Variants in ZNF827 observed in about 807,000 individuals in gnomAD.
ZNF827 encodes zinc finger protein 827.
A neutral mutation model predicts 102.4 loss-of-function variants in ZNF827; 13 were observed. The ratio of observed to expected loss-of-function variants is 0.13; its 90% CI spans 0.08 to 0.20. The LOEUF is 0.20. ZNF827 is among the 10% of genes least tolerant of loss of function. The pLI is 1.00. For missense variants in ZNF827, 1,103 were observed against 1,344.4 expected, an observed-to-expected ratio of 0.82 and a Z score of 2.81; for synonymous variants, 523 against 536.2, an observed-to-expected ratio of 0.98 and a Z score of 0.34.
chr4:145,931,424 A>G (rs993873091), intron 1 of ZNF827, among the ~76,000 whole-genome samples: 6 of 152,220 alleles, frequency 3.9e-5, no homozygotes, highest in African/African-American at 7.2e-5. Context: ...AAATCTGATG[A>G]AAAAAAGCTC....
intron 5 of ZNF827, among the ~76,000 whole-genome samples, chr4:145,864,051 G>A (rs551169706): frequency 3.4e-4 from 51 of 151,552 alleles, no homozygotes; most frequent in Non-Finnish European, 6.6e-4. Flanking sequence ...AAAATCAGCC[G>A]GGCGCAGTGG....
intron 5 of ZNF827, among the ~76,000 whole-genome samples, chr4:145,869,679 A>T (rs1483306030): frequency 6.6e-6 from 1 of 152,236 alleles, no homozygotes; most frequent in Non-Finnish European, 1.5e-5. Context: ...CGCTGAGATT[A>T]CATTTAGATG....
At chr4:145,782,475 C>T (rs898033160) in intron 8 of ZNF827, among the ~76,000 whole-genome samples, 1 of 152,136 alleles carries the variant, frequency 6.6e-6, no homozygotes, top group Non-Finnish European at 1.5e-5. Flanking sequence ...ATTCCTCCCC[C>T]GACTCTCTTT....
intron 7 of ZNF827, among the ~76,000 whole-genome samples, chr4:145,840,848 G>A (rs1745345590): frequency 6.6e-6 from 1 of 152,198 alleles, no homozygotes; most frequent in Non-Finnish European, 1.5e-5. Context: ...TACATTGGAT[G>A]ATTCCAAGTG....
chr4:145,762,223 A>G lies in ZNF827; in HGVS notation c.*18-625T>C, dbSNP rs1220354913. ...TGTGTACATATCTATGTACTCGTAA[A>G]ACATATCTCCCTACAGGACTAGCTC... On this transcript the variant is annotated intron_variant, in intron 14 of 14. Transcript: ENST00000508784. The surrounding 1 kb of genome is among the most constrained non-coding windows in gnomAD (Gnocchi z 4.9). Among the ~76,000 whole-genome samples, 2 of 152,004 alleles carry G rather than the reference A, an allele frequency of 1.3e-5. No homozygotes were observed. Among genetic ancestry groups the G allele is most frequent in the Admixed American group, 6.6e-5 (1 of 15,260 alleles).
intron 11 of ZNF827, among the ~76,000 whole-genome samples, chr4:145,773,856 T>A (rs1306020571): frequency 6.6e-6 from 1 of 152,068 alleles, no homozygotes; most frequent in Non-Finnish European, 1.5e-5. Context: ...GAACAGAGCC[T>A]ACAGAAGTAG....
At chr4:145,862,515 C>A (rs977173179) in intron 5 of ZNF827, among the ~76,000 whole-genome samples, 1 of 151,974 alleles carries the variant, frequency 6.6e-6, no homozygotes, top group Non-Finnish European at 1.5e-5. Context: ...TGTCCCCCAG[C>A]CATGGGATAT....
intron 1 of ZNF827, among the ~76,000 whole-genome samples, chr4:145,917,062 C>T (rs1752714782): frequency 6.6e-6 from 1 of 152,212 alleles, no homozygotes; most frequent in South Asian, 2.1e-4. Flanking sequence ...ACCACTAGCT[C>T]TCTTCTTCTG....
chr4:145,935,058 C>T (rs1396600853), intron 1 of ZNF827, among the ~76,000 whole-genome samples: 1 of 152,168 alleles, frequency 6.6e-6, no homozygotes, highest in Non-Finnish European at 1.5e-5. Context: ...CAAGATCTCC[C>T]TTCTCCTCCT....
At position 145,830,911 on chromosome 4, in the gene ZNF827, G is replaced by A. The variant is rs185994153; in HGVS notation, c.2280-7386C>T. On this transcript the variant is annotated intron_variant, in intron 7 of 14. Transcript: ENST00000508784. ...TAACTTCCTCATTTTCATTTTGAATGAGCAGTTGTAGAGCTGTTGCTTCTG... is the reference window on the plus strand; with the variant it reads ...TAACTTCCTCATTTTCATTTTGAATAAGCAGTTGTAGAGCTGTTGCTTCTG... The A allele has an allele frequency of 8.5e-5, 13 of 152,346 alleles. No homozygotes were observed. In the East Asian group the frequency reaches 2.5e-3, roughly 29 times the overall value. 9.4% of individuals were successfully genotyped at this position (152,346 alleles called of 1,614,324 possible). A position where few individuals can be genotyped will look rare whatever the true frequency, so the allele number is the denominator to read the frequency against.
chr4:145,799,257 G>A (rs7688506), intron 8 of ZNF827, among the ~76,000 whole-genome samples: 27,239 of 152,098 alleles, frequency 0.18, 3,394 homozygotes, highest in East Asian at 0.67. Context: ...TCAGCTAGTC[G>A]GGCACAGCAA....
intron 9 of ZNF827, among the ~76,000 whole-genome samples, chr4:145,776,712 C>T (rs1737170947): frequency 6.6e-6 from 1 of 152,014 alleles, no homozygotes; most frequent in South Asian, 2.1e-4. Context: ...GTAAAAGAGG[C>T]CTCATCATTT....
intron 1 of ZNF827, among the ~76,000 whole-genome samples, chr4:145,905,213 G>C (rs775006381): frequency 6.6e-6 from 1 of 152,208 alleles, no homozygotes; most frequent in Non-Finnish European, 1.5e-5. Flanking sequence ...AGAGTTCAAT[G>C]TATGTGTAGG....
intron 8 of ZNF827, among the ~76,000 whole-genome samples, chr4:145,818,260 A>T (rs925385178): frequency 2.6e-5 from 4 of 152,240 alleles, no homozygotes; most frequent in African/African-American, 9.6e-5. Context: ...TAGGGCAGAA[A>T]GAGAGAAAAT....
At chr4:145,807,635 C>G (rs757552639) in intron 8 of ZNF827, among the ~76,000 whole-genome samples, 8 of 151,918 alleles carry the variant, frequency 5.3e-5, no homozygotes, top group Non-Finnish European at 1.0e-4. Context: ...CCACGCCCAG[C>G]TAATTTTTGT....
chr4:145,893,405 A>G (rs1361368684), intron 2 of ZNF827, among the ~76,000 whole-genome samples: 5 of 152,248 alleles, frequency 3.3e-5, no homozygotes, highest in African/African-American at 1.2e-4. Flanking sequence ...AACCGGTTAA[A>G]TGACTTAGCA....
intron 11 of ZNF827, among the ~76,000 whole-genome samples, 169 bp downstream of exon 11, chr4:145,774,337 T>G (rs1361361633): frequency 6.6e-6 from 1 of 152,048 alleles, no homozygotes; most frequent in Admixed American, 6.5e-5. Flanking sequence ...CAGGAAACAG[T>G]ATTATGACTA....
At chr4:145,887,010 G>A (rs1750172845) in intron 3 of ZNF827, among the ~76,000 whole-genome samples, 1 of 152,264 alleles carries the variant, frequency 6.6e-6, no homozygotes, top group Non-Finnish European at 1.5e-5. Flanking sequence ...TGAGCTGGCA[G>A]GTGCTCATAA....
chr4:145,926,529 T>A (rs1274371977), intron 1 of ZNF827, among the ~76,000 whole-genome samples: 1 of 152,194 alleles, frequency 6.6e-6, no homozygotes, highest in African/African-American at 2.4e-5. Context: ...ATACTTAAAT[T>A]CTTTTAGCCA....
Sources: allele counts gnomAD v4.1 joint callset (sites outside exome capture counted in the v4.1 genomes callset), GRCh38; gene constraint gnomAD v4.1.1; non-coding constraint Gnocchi (gnomAD v3.1); transcripts MANE v1.5; gene names NCBI Gene and HGNC (gene_info 2026-07-23, HGNC 2026-07-21).